Variants in CFAP61 observed in about 807,000 individuals in gnomAD.
The protein encoded by CFAP61 is cilia and flagella associated protein 61.
A neutral mutation model predicts 135.6 loss-of-function variants in CFAP61; 107 were observed. The observed-to-expected ratio is 0.79, with a 90% CI of 0.67 to 0.93. The LOEUF (loss-of-function observed/expected upper bound fraction) is 0.93, where lower values mean the gene tolerates loss of function less well. Among genes scored for constraint, CFAP61 ranks in the 40% least tolerant of loss-of-function variants. The probability of loss-of-function intolerance (pLI) is 0.00; values close to 1 mark genes in which losing one functional copy is unlikely to be tolerated. For synonymous variants in CFAP61, 575 were observed against 578.5 expected (o/e 0.99, Z 0.09); for missense variants, 1,507 against 1,556.2 (o/e 0.97, Z 0.53).
intron 22 of CFAP61, among the ~76,000 whole-genome samples, chr20:20,282,579 G>A (rs1203621711): frequency 6.6e-6 from 1 of 151,956 alleles, no homozygotes. Context: ...AATATTTAAG[G>A]TTTTCCTAAA....
intron 12 of CFAP61, among the ~76,000 whole-genome samples, chr20:20,168,384 A>T (rs1332667078): frequency 1.3e-5 from 2 of 152,236 alleles, no homozygotes; most frequent in South Asian, 2.1e-4. Context: ...TTCAACATAT[A>T]ATCAATATGA....
Position 20,172,760 on chromosome 20 carries a change from T to C in CFAP61, c.1385+3300T>C, listed in dbSNP as rs115563350. On this transcript the variant is annotated intron_variant, in intron 13 of 26. Coordinates refer to ENST00000245957, the MANE Select transcript of CFAP61 (RefSeq NM_015585.4). Reference sequence around the variant, plus strand: ...TCCAGCACTAGATTGGAACATTTGTTGTAATCAGTGAACCACCACTGACAT... The same window carrying C: ...TCCAGCACTAGATTGGAACATTTGTCGTAATCAGTGAACCACCACTGACAT... Among the ~76,000 whole-genome samples the C allele has an allele frequency of 7.6e-3, 1,152 of 152,320 alleles. 9 individuals are homozygous for C. Among genetic ancestry groups the C allele is most frequent in the African/African-American group, 0.026 (1,082 of 41,582 alleles).
At chr20:20,183,674 AAAT>A (rs1457202517) in intron 13 of CFAP61, among the ~76,000 whole-genome samples, 1 of 26,188 alleles carries the variant, frequency 3.8e-5, no homozygotes, top group African/African-American at 1.8e-4. Context: ...ATTATATCCA[AAAT>A]ATTATTGTTT....
Position 20,246,929 on chromosome 20 carries a change from A to G in CFAP61, c.2159+714A>G, listed in dbSNP as rs114551741. 2.3e-3 allele frequency among the ~76,000 whole-genome samples: 350 copies of G among 152,236 alleles called. 2 individuals carry two copies. The highest frequency in any genetic ancestry group is 8.2e-3 in the African/African-American group (340 of 41,538). ...CCTTCGAACAATGAGAAAAAACACAACTTCCTTGCCAGCAGAACGGGTTCG... is the reference window on the plus strand; with the variant it reads ...CCTTCGAACAATGAGAAAAAACACAGCTTCCTTGCCAGCAGAACGGGTTCG... On this transcript the variant is annotated intron_variant, in intron 19 of 26. Coordinates refer to ENST00000245957, the MANE Select transcript of CFAP61 (RefSeq NM_015585.4).
chr20:20,303,925 A>G (rs1189537914), intron 25 of CFAP61, among the ~76,000 whole-genome samples: 1 of 151,974 alleles, frequency 6.6e-6, no homozygotes, highest in Non-Finnish European at 1.5e-5. Context: ...CCCCCTATCT[A>G]TTCTCACTCC....
chr20:20,133,227 C>G (rs1400832324), intron 8 of CFAP61, among the ~76,000 whole-genome samples: 1 of 152,214 alleles, frequency 6.6e-6, no homozygotes, highest in Non-Finnish European at 1.5e-5. Context: ...AGCTACAAAA[C>G]TACAGTGGCA....
At chr20:20,324,284 C>T (rs1487710753) in intron 25 of CFAP61, among the ~76,000 whole-genome samples, 1 of 152,122 alleles carries the variant, frequency 6.6e-6, no homozygotes, top group East Asian at 1.9e-4. Flanking sequence ...ACTTTTCTCC[C>T]TCCGCTCAGT....
intron 8 of CFAP61, among the ~76,000 whole-genome samples, chr20:20,115,137 G>A (rs2049051152): frequency 6.6e-6 from 1 of 151,900 alleles, no homozygotes. Flanking sequence ...TAGGATTTTT[G>A]CACCTATATT....
chr20:20,093,546 T>A (rs2047357450), intron 7 of CFAP61, among the ~76,000 whole-genome samples: 1 of 151,694 alleles, frequency 6.6e-6, no homozygotes, highest in African/African-American at 2.4e-5. Context: ...GTGATTCTCC[T>A]GCCTCAGCCT....
At chr20:20,221,349 A>G (rs2048384834) in intron 17 of CFAP61, 1 of 152,224 alleles carries the variant, frequency 6.6e-6, no homozygotes, top group African/African-American at 2.4e-5. Flanking sequence ...CATAAAGGCA[A>G]TCATATTTTA....
At chr20:20,326,151 C>T (rs1417608369) in intron 25 of CFAP61, among the ~76,000 whole-genome samples, 1 of 152,058 alleles carries the variant, frequency 6.6e-6, no homozygotes, top group African/African-American at 2.4e-5. Flanking sequence ...AGCTCTTTTG[C>T]CCATTTTTAA....
chr20:20,072,202 C>T (rs925492866), intron 3 of CFAP61, among the ~76,000 whole-genome samples: 3 of 140,854 alleles, frequency 2.1e-5, no homozygotes, highest in East Asian at 4.2e-4. Context: ...GCAAGCTCTG[C>T]CTCCCAGATT....
intron 3 of CFAP61, among the ~76,000 whole-genome samples, chr20:20,072,914 C>T (rs2045823022): frequency 6.6e-6 from 1 of 151,886 alleles, no homozygotes; most frequent in Non-Finnish European, 1.5e-5. Flanking sequence ...ATTAATTCAC[C>T]TGTTTATCTT....
In CFAP61 at chr20:20,121,191, G is replaced by A. The variant is rs546761020; in HGVS notation, c.860-21666G>A. Reference sequence around the variant, plus strand: ...GCACCATCTCGGCTCAGTGTAGCTCGACCTTTCAGGCTCAAGCAATCCTCC... The same window carrying A: ...GCACCATCTCGGCTCAGTGTAGCTCAACCTTTCAGGCTCAAGCAATCCTCC... On this transcript the variant is annotated intron_variant, in intron 8 of 26. Transcript: ENST00000245957. Among the ~76,000 whole-genome samples, 23 of 141,030 alleles carry A rather than the reference G, an allele frequency of 1.6e-4. No homozygotes were observed. The South Asian group carries it at 4.6e-3, about 28-fold the overall frequency. 92.5% of individuals were successfully genotyped at this position (141,030 alleles called of 152,430 possible). A position where few individuals can be genotyped will look rare whatever the true frequency, so the allele number is the denominator to read the frequency against.
intron 18 of CFAP61, chr20:20,228,645 A>G: frequency 3.4e-6 from 1 of 291,116 alleles, no homozygotes; most frequent in Non-Finnish European, 6.6e-6. Flanking sequence ...GTCTGTGGCC[A>G]TTTTTGTGCT....
chr20:20,055,248 A>G (rs6035534), intron 1 of CFAP61, among the ~76,000 whole-genome samples: 47 of 152,248 alleles, frequency 3.1e-4, no homozygotes, highest in African/African-American at 8.4e-4. Flanking sequence ...TTCAGAGTCT[A>G]TCATCTAAAG....
intron 13 of CFAP61, among the ~76,000 whole-genome samples, chr20:20,182,781 A>G (rs6046709): frequency 0.9 from 137,625 of 152,256 alleles, 63,032 homozygotes; most frequent in Middle Eastern, 0.99. Context: ...TATGTGTCCC[A>G]TTTTTGTTTG....
At chr20:20,063,272 C>T (rs2044952592) in intron 2 of CFAP61, among the ~76,000 whole-genome samples, 1 of 151,928 alleles carries the variant, frequency 6.6e-6, no homozygotes, top group South Asian at 2.1e-4. Flanking sequence ...AAGACAAAGA[C>T]AGTACAAGAA....
At chr20:20,275,376 TA>T (rs1416201111) in intron 21 of CFAP61, among the ~76,000 whole-genome samples, 2 of 152,240 alleles carry the variant, frequency 1.3e-5, no homozygotes, top group African/African-American at 2.4e-5. Flanking sequence ...ATATTTTTGT[TA>T]AACATAAAGG....
Sources: allele counts gnomAD v4.1 joint callset (sites outside exome capture counted in the v4.1 genomes callset), GRCh38; gene constraint gnomAD v4.1.1; transcripts MANE v1.5; gene names NCBI Gene and HGNC (gene_info 2026-07-23, HGNC 2026-07-21).